AK5: variants seen among roughly 807,000 people sequenced by gnomAD.
AK5 encodes adenylate kinase 5.
A neutral mutation model predicts 69.5 loss-of-function variants in AK5; 27 were observed. That is an observed-to-expected ratio of 0.39 (90% CI 0.29 to 0.54). The LOEUF is 0.54. AK5 is among the 20% of genes least tolerant of loss of function. The probability of loss-of-function intolerance (pLI) is 0.71; values close to 1 mark genes in which losing one functional copy is unlikely to be tolerated. For synonymous variants in AK5, 260 were observed against 244.4 expected, an observed-to-expected ratio of 1.06 and a Z score of -0.60; for missense variants, 531 against 700.4, an observed-to-expected ratio of 0.76 and a Z score of 2.73.
chr1:77,327,406 AAAC>A (rs1254528300), intron 5 of AK5, among the ~76,000 whole-genome samples: 1 of 151,854 alleles, frequency 6.6e-6, no homozygotes, highest in Non-Finnish European at 1.5e-5. Context: ...AAAAAAAAAA[AAAC>A]ACATACACAC....
chr1:77,402,516 A>G (rs982940862), intron 6 of AK5, among the ~76,000 whole-genome samples: 74 of 144,650 alleles, frequency 5.1e-4, no homozygotes, highest in Middle Eastern at 4.2e-3. Flanking sequence ...TCATTGTTCA[A>G]TTCCCACCTA....
chr1:77,534,005 G>A (rs911507592), intron 12 of AK5, among the ~76,000 whole-genome samples: 1 of 151,754 alleles, frequency 6.6e-6, no homozygotes, highest in African/African-American at 2.4e-5. Context: ...TATTCCAGAG[G>A]TTTATTGCAC....
At chr1:77,382,584 A>G (rs1334556703) in intron 6 of AK5, among the ~76,000 whole-genome samples, 1 of 152,220 alleles carries the variant, frequency 6.6e-6, no homozygotes, top group Non-Finnish European at 1.5e-5. Context: ...TCTTGGCCTC[A>G]AGTGAGTCAC....
intron 7 of AK5, among the ~76,000 whole-genome samples, chr1:77,412,047 C>G (rs1650081446): frequency 6.6e-6 from 1 of 152,180 alleles, no homozygotes; most frequent in African/African-American, 2.4e-5. Flanking sequence ...CTGTGCTTTT[C>G]AAGTTAATAT....
chr1:77,311,418 A>T (rs112600655), intron 5 of AK5, among the ~76,000 whole-genome samples: 1 of 152,096 alleles, frequency 6.6e-6, no homozygotes, highest in South Asian at 2.1e-4. Flanking sequence ...CTCTCATTCA[A>T]TGTGTACTAC....
chr1:77,444,195 G>GTGTA (rs1553151474), intron 8 of AK5, among the ~76,000 whole-genome samples: 1 of 108,228 alleles, frequency 9.2e-6, no homozygotes, highest in Non-Finnish European at 1.9e-5. Context: ...CAGATAAGTG[G>GTGTA]TATATATATA....
rs139293059 is a variant in AK5, at chr1:77,397,962, G to A, written c.892-13019G>A. Reference sequence around the variant, plus strand: ...AAATGCTTTTTCTACTTTATTAGTGGTATCTCTCATCATAATGTCCTGTCT... The same window carrying A: ...AAATGCTTTTTCTACTTTATTAGTGATATCTCTCATCATAATGTCCTGTCT... On this transcript the variant is annotated intron_variant, in intron 6 of 13. Transcript: ENST00000354567. Among the ~76,000 whole-genome samples, 81 of 152,246 alleles carry A rather than the reference G, an allele frequency of 5.3e-4. 3 individuals are homozygous for A. The East Asian group carries it at 0.015, about 29-fold the overall frequency.
chr1:77,415,629 T>G (rs1650373940), intron 7 of AK5, among the ~76,000 whole-genome samples: 1 of 152,182 alleles, frequency 6.6e-6, no homozygotes, highest in African/African-American at 2.4e-5. Flanking sequence ...CTTCTGATTC[T>G]TCCATTTCCA....
chr1:77,351,375 A>G (rs1662189709), intron 6 of AK5, among the ~76,000 whole-genome samples: 1 of 152,244 alleles, frequency 6.6e-6, no homozygotes, highest in Non-Finnish European at 1.5e-5. Context: ...AGCCTGGGCA[A>G]CAGAGCAAGA....
At chr1:77,451,991 A>C (rs1358059840) in intron 8 of AK5, among the ~76,000 whole-genome samples, 1 of 152,104 alleles carries the variant, frequency 6.6e-6, no homozygotes, top group East Asian at 1.9e-4. Flanking sequence ...TTCTTTATTT[A>C]TGTACTTTTC....
intron 12 of AK5, among the ~76,000 whole-genome samples, chr1:77,530,016 A>G (rs971780125): frequency 6.6e-6 from 1 of 152,150 alleles, no homozygotes; most frequent in African/African-American, 2.4e-5. Context: ...CTATCTCATG[A>G]CACTTCATTG....
chr1:77,414,600 A>C (rs1391087632), intron 7 of AK5, among the ~76,000 whole-genome samples: 1 of 152,230 alleles, frequency 6.6e-6, no homozygotes, highest in Non-Finnish European at 1.5e-5. Flanking sequence ...TAAAACTAGC[A>C]GCACTGGGTG....
chr1:77,375,860 A>G (rs750913945), intron 6 of AK5, among the ~76,000 whole-genome samples: 2 of 152,184 alleles, frequency 1.3e-5, no homozygotes, highest in East Asian at 1.9e-4. Context: ...GCCACTTGCT[A>G]CATGTGTAAC....
Position 77,297,493 on chromosome 1 carries a change from T to C in AK5, c.416-66T>C. The stretch of plus-strand genomic sequence containing the variant: ...AGAATTTGCATCCCAGATGAAGTAG[T>C]AGTTGTATAAAAGGGAGGTCCTTAT... On this transcript the variant is annotated intron_variant, in intron 3 of 13. Coordinates refer to ENST00000354567, the MANE Select transcript of AK5 (RefSeq NM_174858.3). 6 of 1,415,768 alleles carry C rather than the reference T, an allele frequency of 4.2e-6. No homozygotes were observed. In the South Asian group the frequency reaches 4.3e-5, roughly 10 times the overall value. 87.7% of individuals were successfully genotyped at this position (1,415,768 alleles called of 1,614,324 possible). A position where few individuals can be genotyped will look rare whatever the true frequency, so the allele number is the denominator to read the frequency against.
At chr1:77,315,103 T>C (rs1660177758) in intron 5 of AK5, 1 of 152,214 alleles carries the variant, frequency 6.6e-6, no homozygotes, top group East Asian at 1.9e-4. Context: ...TAATTTCAAA[T>C]AGACAACACA....
intron 5 of AK5, among the ~76,000 whole-genome samples, chr1:77,337,490 A>G (rs987496904): frequency 6.6e-6 from 1 of 152,152 alleles, no homozygotes; most frequent in Non-Finnish European, 1.5e-5. Context: ...TGTCAAAAAA[A>G]TTTCTTATGT....
chr1:77,341,960 G>A (rs934190650), intron 6 of AK5, among the ~76,000 whole-genome samples: 23 of 152,076 alleles, frequency 1.5e-4, no homozygotes, highest in African/African-American at 5.6e-4. Flanking sequence ...GTGCAATGGC[G>A]TGATCTCAGC....
chr1:77,429,237 A>G (rs1004519007), intron 8 of AK5, among the ~76,000 whole-genome samples: 4 of 152,100 alleles, frequency 2.6e-5, no homozygotes, highest in African/African-American at 7.2e-5. Context: ...AAGTGTTCCT[A>G]TTTCTCCACA....
At chr1:77,447,167 T>G (rs1652803595) in intron 8 of AK5, among the ~76,000 whole-genome samples, 1 of 152,268 alleles carries the variant, frequency 6.6e-6, no homozygotes. Flanking sequence ...CTATCTCCAT[T>G]GGCCCTGGGG....
Sources: allele counts gnomAD v4.1 joint callset (sites outside exome capture counted in the v4.1 genomes callset), GRCh38; gene constraint gnomAD v4.1.1; transcripts MANE v1.5; gene names NCBI Gene and HGNC (gene_info 2026-07-23, HGNC 2026-07-21).